Variants in PSTPIP2 observed in about 807,000 individuals in gnomAD.
PSTPIP2 encodes proline-serine-threonine phosphatase interacting protein 2.
Under a neutral mutation model 63.3 loss-of-function variants are expected in PSTPIP2, and 33 were observed. The ratio of observed to expected loss-of-function variants is 0.52; its 90% confidence interval spans 0.40 to 0.70. The LOEUF (loss-of-function observed/expected upper bound fraction) is 0.70. Among genes scored for constraint, PSTPIP2 ranks in the 30% least tolerant of loss-of-function variants. The pLI is 0.00. For synonymous variants in PSTPIP2, 125 were observed against 132.7 expected (o/e 0.94, Z 0.40); for missense variants, 312 against 400.7 (o/e 0.78, Z 1.89).
intron 1 of PSTPIP2, among the ~76,000 whole-genome samples, chr18:46,043,020 G>C (rs912489736): frequency 3.9e-5 from 6 of 151,960 alleles, no homozygotes; most frequent in Non-Finnish European, 8.8e-5. Flanking sequence ...TGTGGTTTTG[G>C]TTTGTGTTTC....
At chr18:46,019,074 T>C (rs930668420) in intron 3 of PSTPIP2, among the ~76,000 whole-genome samples, 18 of 151,966 alleles carry the variant, frequency 1.2e-4, no homozygotes, top group African/African-American at 4.4e-4. Flanking sequence ...TTAAGCGAAC[T>C]CCCTCGGAGG....
intron 3 of PSTPIP2, among the ~76,000 whole-genome samples, chr18:46,019,851 T>C (rs531917014): frequency 4.1e-4 from 63 of 152,190 alleles, no homozygotes; most frequent in African/African-American, 1.4e-3. Flanking sequence ...AATGCACCAA[T>C]GGTCAACTGA....
chr18:46,046,133 T>C (rs754487842), intron 1 of PSTPIP2, among the ~76,000 whole-genome samples: 6 of 152,170 alleles, frequency 3.9e-5, no homozygotes, highest in Non-Finnish European at 8.8e-5. Flanking sequence ...TTCCAACAAA[T>C]GGCTCTGGAA....
At chr18:46,058,383 G>GT (rs1367393681) in intron 1 of PSTPIP2, among the ~76,000 whole-genome samples, 1 of 151,870 alleles carries the variant, frequency 6.6e-6, no homozygotes, top group Non-Finnish European at 1.5e-5. Context: ...TTGAGACAGA[G>GT]TATCACTCTG....
chr18:46,067,190 G>GT, intron 1 of PSTPIP2, among the ~76,000 whole-genome samples: 1 of 152,146 alleles, frequency 6.6e-6, no homozygotes, highest in East Asian at 1.9e-4. Flanking sequence ...TGTGTTTCTG[G>GT]GGACCAGATT....
chr18:46,046,626 G>A (rs544307746), intron 1 of PSTPIP2, among the ~76,000 whole-genome samples: 53 of 152,340 alleles, frequency 3.5e-4, no homozygotes, highest in African/African-American at 1.3e-3. Context: ...CATGGTTCCT[G>A]CCTAGAGGAG....
At position 45,988,718 on chromosome 18, in the gene PSTPIP2, A is replaced by G. The variant is rs765759568; in HGVS notation, c.997T>C (p.Tyr333His). Residue 333 changes from tyrosine (Y) to histidine (H), a missense_variant, in exon 14 of 15, where the codon TAT (tyrosine) becomes CAT (histidine). By Grantham distance (83) the Tyr-to-His change is moderately conservative. Transcript: ENST00000409746. ...GGTTCTTACCATTGATTTTACTGAT[A>G]GAGCAAACTGTAGTCATCAACCAAA... ...YSLVDDYSLL[Y>H]Q is the part of the protein sequence containing the mutation. 6.4e-7 allele frequency: 1 copy of G among 1,559,088 alleles called. No individual in the cohort carries two copies. The highest frequency in any genetic ancestry group is 1.1e-5 in the South Asian group (1 of 89,914).
At chr18:46,064,457 A>ATTGTT (rs1909108164) in intron 1 of PSTPIP2, among the ~76,000 whole-genome samples, 1 of 106,066 alleles carries the variant, frequency 9.4e-6, no homozygotes, top group Non-Finnish European at 1.8e-5. Flanking sequence ...CACCTGGCTA[A>ATTGTT]TTTTTTTTTT....
intron 13 of PSTPIP2, chr18:45,989,765 G>A (rs899337530): frequency 6.6e-6 from 1 of 152,116 alleles, no homozygotes; most frequent in African/African-American, 2.4e-5. Context: ...ATATACTCTT[G>A]ACCAAAGACT....
Position 45,985,423 on chromosome 18 carries a change from A to G in PSTPIP2, c.*36T>C, listed in dbSNP as rs1282190438. ...TCTGGGTGCCCTTTCCATATCACAG[A>G]AGCACTAGCCGGAAAAAGCTCTGGT... On this transcript the variant is annotated 3_prime_UTR_variant, in exon 15 of 15. Transcript: ENST00000409746. 4 of 1,613,344 alleles carry G rather than the reference A, an allele frequency of 2.5e-6. No individual in the cohort carries two copies. The highest frequency in any genetic ancestry group is 3.4e-6 in the Non-Finnish European group (4 of 1,179,776).
At position 46,052,009 on chromosome 18, in the gene PSTPIP2, C is replaced by A. The variant is rs188426230; in HGVS notation, c.34-11962G>T. Among the ~76,000 whole-genome samples, 260 of 152,296 alleles carry A rather than the reference C, an allele frequency of 1.7e-3. 1 individual carries two copies. The highest frequency in any genetic ancestry group is 3.4e-3 in the Middle Eastern group (1 of 294). On this transcript the variant is annotated intron_variant, in intron 1 of 14. Transcript: ENST00000409746. Reference sequence around the variant, plus strand: ...ATTCCCTGAGAACCCCTGGGCATGCCCAAGACAGGAGCGGGGAGGCAGGCA... The same window carrying A: ...ATTCCCTGAGAACCCCTGGGCATGCACAAGACAGGAGCGGGGAGGCAGGCA...
intron 14 of PSTPIP2, among the ~76,000 whole-genome samples, chr18:45,987,817 C>T (rs2051483052): frequency 6.6e-6 from 1 of 152,118 alleles, no homozygotes; most frequent in Non-Finnish European, 1.5e-5. Flanking sequence ...GTTCCAAGCA[C>T]CTGAGTGCCT....
chr18:45,987,624 AT>A (rs951970837), intron 14 of PSTPIP2, among the ~76,000 whole-genome samples: 33 of 152,312 alleles, frequency 2.2e-4, no homozygotes, highest in African/African-American at 7.9e-4. Flanking sequence ...AATATTACCT[AT>A]TTAGGAATAT....
At chr18:46,064,278 C>CTTTT in intron 1 of PSTPIP2, among the ~76,000 whole-genome samples, 1 of 113,032 alleles carries the variant, frequency 8.8e-6, no homozygotes, top group Non-Finnish European at 1.8e-5. Flanking sequence ...CTTTCTTTTT[C>CTTTT]TTTCTTTTTT....
intron 6 of PSTPIP2, among the ~76,000 whole-genome samples, chr18:46,005,070 A>C (rs1272193299): frequency 6.6e-6 from 1 of 152,228 alleles, no homozygotes; most frequent in Non-Finnish European, 1.5e-5. Context: ...AAACATGGAT[A>C]GAACTGGAGG....
At chr18:46,068,533 C>T (rs936384668) in intron 1 of PSTPIP2, among the ~76,000 whole-genome samples, 6 of 151,868 alleles carry the variant, frequency 4.0e-5, no homozygotes, top group Middle Eastern at 3.4e-3. Flanking sequence ...CTCCTGACCT[C>T]GTGATCCACC....
chr18:45,996,768 T>C (rs570331912), intron 9 of PSTPIP2, among the ~76,000 whole-genome samples: 150 of 151,980 alleles, frequency 9.9e-4, no homozygotes, highest in African/African-American at 3.4e-3. Context: ...CCTGTCTCTT[T>C]AAAAATAAAA....
chr18:46,007,493 T>G (rs1324172853), intron 5 of PSTPIP2, among the ~76,000 whole-genome samples: 1 of 152,262 alleles, frequency 6.6e-6, no homozygotes, highest in Non-Finnish European at 1.5e-5. Flanking sequence ...GCGGTTCACA[T>G]GCATGACTGT....
At position 46,036,568 on chromosome 18, in the gene PSTPIP2, G is replaced by A. The variant is rs563288619; in HGVS notation, c.134+3379C>T. Among the ~76,000 whole-genome samples, 510 of 152,334 alleles carry A rather than the reference G, an allele frequency of 3.3e-3. 5 individuals are homozygous for A. Among genetic ancestry groups the A allele is most frequent in the Non-Finnish European group, 4.4e-3 (299 of 68,030 alleles). On this transcript the variant is annotated intron_variant, in intron 2 of 14. Transcript: ENST00000409746. The stretch of plus-strand genomic sequence containing the variant: ...GGATGCAAGAATCTGCCCTGTGGGT[G>A]GCAAGAAAGGCAGCCTCCCTGCCCT...
Sources: gnomAD v4.1 joint callset for allele counts (sites outside exome capture counted in the v4.1 genomes callset) on GRCh38, gnomAD v4.1.1 for gene constraint, MANE v1.5 for transcripts, NCBI Gene and HGNC (gene_info 2026-07-23, HGNC 2026-07-21) for gene names.